Variants in KMT2E observed in about 807,000 individuals in gnomAD.
KMT2E encodes histone reader KMT2E.
In KMT2E, 30 loss-of-function variants were observed where a neutral mutation model predicts 184.6. That is an observed-to-expected ratio of 0.16 (90% CI 0.12 to 0.22). KMT2E has a LOEUF of 0.22. Ranked by LOEUF, KMT2E falls within the 10% of genes least tolerant of loss-of-function variation. The pLI, the probability that KMT2E is intolerant of heterozygous loss-of-function variation, is 1.00. For missense variants in KMT2E, 2,023 were observed against 2,237.4 expected (o/e 0.90, Z 1.93); for synonymous variants, 815 against 776.5 (o/e 1.05, Z -0.82).
intron 15 of KMT2E, among the ~76,000 whole-genome samples, chr7:105,098,675 A>C (rs553806311): frequency 6.6e-6 from 1 of 152,276 alleles, no homozygotes; most frequent in East Asian, 1.9e-4. Flanking sequence ...TGCTGGGATT[A>C]CAGGCATAAT....
intron 6 of KMT2E, 49 bp from the exon 7 acceptor site, chr7:105,073,568 CAG>C (rs750806417): frequency 1.6e-5 from 18 of 1,130,306 alleles, no homozygotes; most frequent in Non-Finnish European, 2.4e-5. Context: ...ACATTTAAGA[CAG>C]ATCTGCTTCA....
At chr7:105,047,532 GAGA>G (rs1796156209) in intron 3 of KMT2E, among the ~76,000 whole-genome samples, 1 of 152,220 alleles carries the variant, frequency 6.6e-6, no homozygotes, top group South Asian at 2.1e-4. Context: ...TTAATAGTAA[GAGA>G]AGAAGGAGTG....
intron 13 of KMT2E, among the ~76,000 whole-genome samples, chr7:105,083,956 A>G (rs1797861680): frequency 6.6e-6 from 1 of 152,236 alleles, no homozygotes; most frequent in East Asian, 1.9e-4. Flanking sequence ...TTATCATTTA[A>G]TGACTTCACT....
chr7:105,071,609 T>TATATA (rs1491132838), intron 6 of KMT2E, among the ~76,000 whole-genome samples: 1 of 45,412 alleles, frequency 2.2e-5, no homozygotes, highest in African/African-American at 1.3e-4. Context: ...TATATATATA[T>TATATA]TTTTTTTTTT....
intron 15 of KMT2E, among the ~76,000 whole-genome samples, chr7:105,096,289 T>G (rs928829460): frequency 6.6e-6 from 1 of 151,532 alleles, no homozygotes. Context: ...CCTCCCCCAT[T>G]TATAATGGCA....
intron 13 of KMT2E, among the ~76,000 whole-genome samples, chr7:105,089,640 CAT>C (rs1798120492): frequency 1.3e-5 from 2 of 152,122 alleles, no homozygotes; most frequent in African/African-American, 2.4e-5. Context: ...CTATATGAAA[CAT>C]GAGTGAATTT....
At chr7:105,101,830 T>C in intron 16 of KMT2E, 56 bp from the exon 17 acceptor site, 4 of 1,330,642 alleles carry the variant, frequency 3.0e-6, no homozygotes, top group Non-Finnish European at 4.1e-6. Context: ...GCTATTATAT[T>C]TAAACTTTAT....
chr7:105,053,894 C>CG, intron 3 of KMT2E, among the ~76,000 whole-genome samples: 1 of 151,856 alleles, frequency 6.6e-6, no homozygotes, highest in South Asian at 2.1e-4. Context: ...AAGAAACAGG[C>CG]GAGGCATGGT....
intron 16 of KMT2E, 65 bp from the exon 17 acceptor site, chr7:105,101,821 C>G: frequency 8.0e-7 from 1 of 1,254,568 alleles, no homozygotes; most frequent in South Asian, 1.5e-5. Flanking sequence ...TAGAATAATG[C>G]TATTATATTT....
At chr7:105,095,718 G>A (rs184189589) in intron 15 of KMT2E, among the ~76,000 whole-genome samples, 182 of 152,196 alleles carry the variant, frequency 1.2e-3, no homozygotes, top group African/African-American at 4.0e-3. Flanking sequence ...GTTATTGTAC[G>A]TTAGGAAAAT....
chr7:105,109,193 T>A lies in KMT2E; in HGVS notation c.3720T>A (p.Ala1240=), dbSNP rs1291046734. The A allele has an allele frequency of 5.6e-6, 9 of 1,614,054 alleles. No individual in the cohort carries two copies. Among genetic ancestry groups the A allele is most frequent in the Non-Finnish European group, 7.6e-6 (9 of 1,179,954 alleles). ...ETSNNCPVKD[A]TASEKNEPEV... is the part of the protein sequence containing the mutation. ...GCAATAACTGCCCTGTTAAGGATGC[T>A]ACTGCTAGTGAGAAGAATGAACCAG... is the stretch of plus-strand genomic sequence containing the variant. The change falls in exon 23 of 27, where the codon GCT becomes GCA. Residue 1240 remains alanine (A), a synonymous_variant. Transcript: ENST00000311117.
At position 105,109,132 on chromosome 7, in the gene KMT2E, C is replaced by T. The variant is rs767761121; in HGVS notation, c.3659C>T (p.Pro1220Leu). 2.5e-6 allele frequency: 4 copies of T among 1,614,126 alleles called. No homozygotes were observed. Among genetic ancestry groups the T allele is most frequent in the Non-Finnish European group, 2.5e-6 (3 of 1,179,988 alleles). ...ACTGCTAGCCTACCTTTACCAACAC[C>T]AGCTACAGTTTATAATGCCACTTCT... is the stretch of plus-strand genomic sequence containing the variant. ...DHTASLPLPT[P>L]ATVYNATSEE... is the part of the protein sequence containing the mutation. The change falls in exon 23 of 27, where the codon CCA (proline) becomes CTA (leucine). Residue 1220 changes from proline (P) to leucine (L), a missense_variant. By Grantham distance (98) the Pro-to-Leu change is moderately conservative. Transcript: ENST00000311117.
chr7:105,064,642 TGA>T (rs1452109945), intron 5 of KMT2E, among the ~76,000 whole-genome samples: 6 of 152,212 alleles, frequency 3.9e-5, no homozygotes, highest in Admixed American at 2.6e-4. Context: ...ATATTAACAC[TGA>T]GTTTATCTTA....
intron 2 of KMT2E, chr7:105,039,048 T>G (rs1295948960): frequency 6.6e-6 from 1 of 152,158 alleles, no homozygotes; most frequent in African/African-American, 2.4e-5. Context: ...CATGTAGTCG[T>G]TTTTAATGAC....
In KMT2E at chr7:105,063,733, C is replaced by T. The variant is rs1796913982; in HGVS notation, c.416+153C>T. On this transcript the variant is annotated intron_variant, in intron 5 of 26. Coordinates refer to ENST00000311117, the MANE Select transcript of KMT2E (RefSeq NM_182931.3). ...TTGATGCAGTCCTAGAAAAAGCCTC[C>T]TATGTGAAAAAAGAGTTTACTAGAA... 5 of 584,722 alleles carry T rather than the reference C, an allele frequency of 8.6e-6. No individual in the cohort carries two copies. In the South Asian group the frequency reaches 1.2e-4, roughly 14 times the overall value. The allele number at this position is 584,722 out of a possible 1,614,324, so 36.2% of individuals were successfully genotyped here.
At position 105,066,784 on chromosome 7, in the gene KMT2E, T is replaced by C. The variant is rs200520214; in HGVS notation, c.474T>C (p.Tyr158=). Residue 158 remains tyrosine (Y), a synonymous_variant, in exon 6 of 27, where the codon TAT becomes TAC. Transcript: ENST00000311117. ...GIDRQHIPDT[Y]LCERCQPRNL... ...ATAGGCAGCATATTCCTGATACATATCTATGTGAACGTTGTCAGCCTAGGT... is the reference window on the plus strand; with the variant it reads ...ATAGGCAGCATATTCCTGATACATACCTATGTGAACGTTGTCAGCCTAGGT... 107 of 1,612,270 alleles carry C rather than the reference T, an allele frequency of 6.6e-5. No individual in the cohort carries two copies. Among genetic ancestry groups the C allele is most frequent in the Non-Finnish European group, 8.4e-5 (99 of 1,178,758 alleles).
At chr7:105,031,988 A>G (rs1795439007) in intron 1 of KMT2E, among the ~76,000 whole-genome samples, 1 of 145,370 alleles carries the variant, frequency 6.9e-6, no homozygotes, top group Admixed American at 7.1e-5. Context: ...TAGTCTCTTG[A>G]ACCCAGGAGA....
Position 105,052,469 on chromosome 7 carries a change from G to A in KMT2E, c.72-9695G>A, listed in dbSNP as rs77456142. 3.0e-3 allele frequency among the ~76,000 whole-genome samples: 458 copies of A among 152,186 alleles called. 15 individuals carry two copies. The East Asian group carries it at 0.062, about 21-fold the overall frequency. On this transcript the variant is annotated intron_variant, in intron 3 of 26. Transcript: ENST00000311117. ...TGTCTGTTTTATCACTAATATCATT[G>A]TATCTACAATGGCTAGCACAGGGTT...
intron 1 of KMT2E, among the ~76,000 whole-genome samples, chr7:105,018,735 C>T (rs1435280165): frequency 2.0e-5 from 3 of 151,980 alleles, no homozygotes; most frequent in African/African-American, 7.2e-5. Flanking sequence ...TGAAGTGGCT[C>T]GTATTTACTA....
Sources: gnomAD v4.1 joint callset for allele counts (sites outside exome capture counted in the v4.1 genomes callset) on GRCh38, gnomAD v4.1.1 for gene constraint, MANE v1.5 for transcripts, NCBI Gene and HGNC (gene_info 2026-07-23, HGNC 2026-07-21) for gene names.